Variants in CPAP observed in about 807,000 individuals in gnomAD.
The protein encoded by CPAP is centrosome assembly and centriole elongation protein.
the CPAP span, among the ~76,000 whole-genome samples, chr13:24,893,331 T>A: frequency 6.6e-6 from 1 of 151,814 alleles, no homozygotes; most frequent in African/African-American, 2.4e-5. Flanking sequence ...TCCAGAAAAA[T>A]GAGTTGTTTT....
the CPAP span, chr13:24,884,294 T>G: frequency 6.2e-7 from 1 of 1,614,120 alleles, no homozygotes; most frequent in Non-Finnish European, 8.5e-7. Context: ...ATGGTTAAAC[T>G]ATGGAGGAGA....
At chr13:24,886,751 A>C in the CPAP span, among the ~76,000 whole-genome samples, 1 of 152,226 alleles carries the variant, frequency 6.6e-6, no homozygotes, top group Non-Finnish European at 1.5e-5. Context: ...TAGAGAAAAG[A>C]CTAGAATATT....
At chr13:24,884,054 T>C in the CPAP span, 9 of 1,613,766 alleles carry the variant, frequency 5.6e-6, no homozygotes, top group African/African-American at 1.3e-5. Flanking sequence ...GGAAACGTGA[T>C]TTCTTTTCTT....
At chr13:24,903,689 CTG>C in the CPAP span, among the ~76,000 whole-genome samples, 1 of 152,230 alleles carries the variant, frequency 6.6e-6, no homozygotes, top group African/African-American at 2.4e-5. Flanking sequence ...TAGCTCCAAA[CTG>C]TTTTTCAAAT....
chr13:24,886,322 G>T, the CPAP span: 1 of 1,289,100 alleles, frequency 7.8e-7, no homozygotes, highest in East Asian at 5.5e-5. Flanking sequence ...TGGCCTGAAG[G>T]AGGAGAGCGG....
At chr13:24,884,142 G>T in the CPAP span, 1 of 1,613,546 alleles carries the variant, frequency 6.2e-7, no homozygotes, top group South Asian at 1.1e-5. Context: ...TTTAATGAGA[G>T]GGTGGAGCAA....
At chr13:24,924,248 T>C in the CPAP span, among the ~76,000 whole-genome samples, 1 of 152,152 alleles carries the variant, frequency 6.6e-6, no homozygotes, top group Non-Finnish European at 1.5e-5. Context: ...TTTTCATTTA[T>C]GATAGCCCTT....
At chr13:24,919,090 G>GAGGT in the CPAP span, among the ~76,000 whole-genome samples, 1 of 152,196 alleles carries the variant, frequency 6.6e-6, no homozygotes, top group Admixed American at 6.5e-5. Flanking sequence ...AGATGAAGAG[G>GAGGT]AGGTAAATAG....
the CPAP span, among the ~76,000 whole-genome samples, chr13:24,916,974 G>A: frequency 0.1 from 15,159 of 152,198 alleles, 909 homozygotes; most frequent in Non-Finnish European, 0.14. Flanking sequence ...TTTACGGCCC[G>A]GTGCGGTAGC....
At chr13:24,891,440 C>A in the CPAP span, among the ~76,000 whole-genome samples, 1 of 152,198 alleles carries the variant, frequency 6.6e-6, no homozygotes, top group African/African-American at 2.4e-5. Context: ...CTGTCCAAGC[C>A]TGAGTTCCTG....
At chr13:24,895,178 C>T in the CPAP span, among the ~76,000 whole-genome samples, 1 of 152,248 alleles carries the variant, frequency 6.6e-6, no homozygotes, top group South Asian at 2.1e-4. Flanking sequence ...CTGCGGAAGG[C>T]GCAGCCGGCT....
chr13:24,894,237 G>T, the CPAP span, among the ~76,000 whole-genome samples: 1 of 152,350 alleles, frequency 6.6e-6, no homozygotes, highest in Admixed American at 6.5e-5. Flanking sequence ...AAGGGGATCC[G>T]TTGTCACGTG....
At chr13:24,922,058 T>C in the CPAP span, among the ~76,000 whole-genome samples, 3 of 152,170 alleles carry the variant, frequency 2.0e-5, no homozygotes, top group Non-Finnish European at 2.9e-5. Context: ...CACGTGTATG[T>C]CAAACTCATC....
At chr13:24,914,119 G>A in the CPAP span, among the ~76,000 whole-genome samples, 5 of 152,164 alleles carry the variant, frequency 3.3e-5, no homozygotes, top group East Asian at 1.9e-4. Context: ...TAAAAGCCAC[G>A]TGGGAAAAGG....
At chr13:24,886,353 A>T in the CPAP span, 66 of 1,289,258 alleles carry the variant, frequency 5.1e-5, no homozygotes, top group Admixed American at 5.3e-4. Context: ...TCAGCCAACA[A>T]GCTGCTGGGC....
chr13:24,929,074 A>G, the CPAP span, among the ~76,000 whole-genome samples: 2 of 152,162 alleles, frequency 1.3e-5, no homozygotes, highest in Non-Finnish European at 2.9e-5. Context: ...TTTTTATTAC[A>G]CATTTTTTTT....
the CPAP span, chr13:24,899,310 T>A: frequency 1.3e-6 from 1 of 795,780 alleles, no homozygotes; most frequent in Non-Finnish European, 2.1e-6. Context: ...AATGAATGAA[T>A]AATGGATTGA....
the CPAP span, among the ~76,000 whole-genome samples, chr13:24,925,583 G>A: frequency 2.0e-5 from 3 of 152,206 alleles, no homozygotes; most frequent in Non-Finnish European, 4.4e-5. Flanking sequence ...CAGGGCAACA[G>A]AGTGAAACCG....
At chr13:24,933,091 A>T in the CPAP span, 14 of 1,587,602 alleles carry the variant, frequency 8.8e-6, no homozygotes, top group Non-Finnish European at 1.2e-5. Context: ...ACAAACTGAC[A>T]TTAAGGAAAA....
Sources: gnomAD v4.1 joint callset for allele counts (sites outside exome capture counted in the v4.1 genomes callset) on GRCh38, gnomAD v4.1.1 for gene constraint, MANE v1.5 for transcripts, NCBI Gene and HGNC (gene_info 2026-07-23, HGNC 2026-07-21) for gene names.